Variants in TMC8 observed in about 807,000 individuals in gnomAD.
The protein encoded by TMC8 is transmembrane channel-like protein 8.
In TMC8, 71 loss-of-function variants were observed where a neutral mutation model predicts 76.0. The ratio of observed to expected loss-of-function variants is 0.93; its 90% confidence interval spans 0.77 to 1.14. The LOEUF is 1.14. Ranked by LOEUF, TMC8 falls within the 50% of genes most tolerant of loss-of-function variation. The pLI, the probability that TMC8 is intolerant of heterozygous loss-of-function variation, is 0.00. For missense variants in TMC8, 924 were observed against 947.9 expected, an observed-to-expected ratio of 0.97 and a Z score of 0.33; for synonymous variants, 433 against 433.8, an observed-to-expected ratio of 1.00 and a Z score of 0.02.
rs938322021 is a variant in TMC8, at chr17:78,142,235, G to A, written c.*1123G>A. On this transcript the variant is annotated 3_prime_UTR_variant, in exon 16 of 16. Coordinates refer to ENST00000318430, the MANE Select transcript of TMC8 (RefSeq NM_152468.5). ...ACAGCCCAGCGACTCTGATGTGGTT[G>A]GGCTGGGTGTGGCCAGCAGCCAGGG... The A allele has an allele frequency of 1.6e-4, 24 of 152,158 alleles. No homozygotes were observed. The highest frequency in any genetic ancestry group is 6.5e-4 in the Admixed American group (10 of 15,276). The allele number at this position is 152,158 out of a possible 1,614,324, so 9.4% of individuals were successfully genotyped here. A position where few individuals can be genotyped will look rare whatever the true frequency, so the allele number is the denominator to read the frequency against.
At chr17:78,140,680 G>GC (rs1319253651) in intron 15 of TMC8, among the ~76,000 whole-genome samples, 154 bp from the exon 16 acceptor site, 1 of 151,626 alleles carries the variant, frequency 6.6e-6, no homozygotes, top group Non-Finnish European at 1.5e-5. Context: ...GGAGGGTGTG[G>GC]CCTCGAGCGG....
intron 5 of TMC8, 98 bp downstream of exon 5, chr17:78,132,968 G>T (rs1376654428): frequency 5.8e-6 from 8 of 1,387,450 alleles, no homozygotes; most frequent in Middle Eastern, 1.8e-4. Context: ...CTCCTCCAGG[G>T]ACATTTCGGC....
At position 78,134,460 on chromosome 17, in the gene TMC8, C is replaced by G. The variant is rs760798878; in HGVS notation, c.883C>G (p.Arg295Gly). 2.5e-6 allele frequency: 4 copies of G among 1,613,906 alleles called. No individual in the cohort carries two copies. The South Asian group carries it at 3.3e-5, about 13-fold the overall frequency. The change falls in exon 8 of 16, where the codon CGC (arginine) becomes GGC (glycine). Residue 295 changes from arginine (R) to glycine (G), a missense_variant. Transcript: ENST00000318430. ...GCAGACCCGGGCCCAGACGGCCTGC[C>G]GCCTGCTCTCCTACCTGCGGGTCAA... ...QQQTRAQTAC[R>G]LLSYLRVNVL...
intron 15 of TMC8, 103 bp downstream of exon 15, chr17:78,139,343 C>A: frequency 7.6e-7 from 1 of 1,313,124 alleles, no homozygotes. Context: ...CAGGTGGGTT[C>A]TTCCCACTGG....
chr17:78,137,502 CA>C (rs769784280), intron 10 of TMC8, 144 bp downstream of exon 10: 4 of 1,435,578 alleles, frequency 2.8e-6, no homozygotes, highest in East Asian at 2.3e-5. Context: ...CGCACACCTC[CA>C]GGGGGCGCCA....
At position 78,133,558 on chromosome 17, in the gene TMC8, A is replaced by G. The variant is rs2075107624; in HGVS notation, c.668+16A>G. The G allele has an allele frequency of 1.2e-6, 2 of 1,608,790 alleles. No individual in the cohort carries two copies. Among genetic ancestry groups the G allele is most frequent in the Non-Finnish European group, 1.7e-6 (2 of 1,179,930 alleles). ...CTCTGCGGCGGTGAGAGCGAGGTCCACACCTTCACCCCTTCCCCAGGGAAT... is the reference window on the plus strand; with the variant it reads ...CTCTGCGGCGGTGAGAGCGAGGTCCGCACCTTCACCCCTTCCCCAGGGAAT... On this transcript the variant is annotated intron_variant, in intron 6 of 15. Transcript: ENST00000318430.
In TMC8 at chr17:78,141,049, T is replaced by G; in HGVS notation, c.2118T>G (p.Pro706=). ...VDAAGLRSPC[P]GQHGAPASAR... ...CCGCGGGACTGCGTTCCCCTTGCCCTGGACAGCACGGTGCCCCGGCCTCCG... is the reference window on the plus strand; with the variant it reads ...CCGCGGGACTGCGTTCCCCTTGCCCGGGACAGCACGGTGCCCCGGCCTCCG... Residue 706 remains proline (P), a synonymous_variant, in exon 16 of 16, where the codon CCT becomes CCG. Transcript: ENST00000318430. The G allele has an allele frequency of 1.9e-6, 3 of 1,602,298 alleles. No homozygotes were observed. The highest frequency in any genetic ancestry group is 2.6e-6 in the Non-Finnish European group (3 of 1,175,870).
In TMC8 at chr17:78,138,485, G is replaced by A. The variant is rs1327923670; in HGVS notation, c.1664+6G>A. 6 of 1,613,368 alleles carry A rather than the reference G, an allele frequency of 3.7e-6. No individual in the cohort carries two copies. The African/African-American group carries it at 8.0e-5, about 22-fold the overall frequency. Reference sequence around the variant, plus strand: ...CTGGGCTATGTGGTCAGCAGGTGAGGGGAAGAGGAGGGGGGCACCCAGAGG... The same window carrying A: ...CTGGGCTATGTGGTCAGCAGGTGAGAGGAAGAGGAGGGGGGCACCCAGAGG... On this transcript the variant is annotated splice_donor_region_variant and intron_variant, in intron 13 of 15. Coordinates refer to ENST00000318430, the MANE Select transcript of TMC8 (RefSeq NM_152468.5).
rs199498761 is a variant in TMC8, at chr17:78,132,366, C to T, written c.306C>T (p.Phe102=). ...CCTGCTCTCCCACTGCAGGCCTCTT[C>T]GGCACAGGAATTCGGTCCTACTTCA... ...EGALYEIGGL[F]GTGIRSYFTF... The change falls in exon 4 of 16, where the codon TTC becomes TTT. Residue 102 remains phenylalanine (F), a synonymous_variant. Transcript: ENST00000318430. The T allele has an allele frequency of 2.4e-5, 39 of 1,612,980 alleles. No individual in the cohort carries two copies. In the South Asian group the frequency reaches 3.0e-4, roughly 12 times the overall value.
Position 78,134,424 on chromosome 17 carries a change from C to A in TMC8, c.847C>A (p.Leu283Met). 6.2e-7 allele frequency: 1 copy of A among 1,613,228 alleles called. No individual in the cohort carries two copies. Among genetic ancestry groups the A allele is most frequent in the Non-Finnish European group, 8.5e-7 (1 of 1,180,036 alleles). The change falls in exon 8 of 16, where the codon CTG (leucine) becomes ATG (methionine). Residue 283 changes from leucine to methionine, a missense_variant. Leu to Met is a conservative substitution (Grantham distance 15). Transcript: ENST00000318430. ...VELEEGRRFQ[L>M]MQQQTRAQTA... Reference sequence around the variant, plus strand: ...GCTGGAGGAGGGCCGTCGCTTCCAGCTGATGCAGCAGCAGACCCGGGCCCA... The same window carrying A: ...GCTGGAGGAGGGCCGTCGCTTCCAGATGATGCAGCAGCAGACCCGGGCCCA...
chr17:78,140,767 C>T (rs1393120070), intron 15 of TMC8, 67 bp from the exon 16 acceptor site: 4 of 1,556,048 alleles, frequency 2.6e-6, no homozygotes, highest in Non-Finnish European at 3.5e-6. Flanking sequence ...GTTGCTGCCG[C>T]TGCTGTCCTC....
At chr17:78,131,849 C>T in intron 2 of TMC8, 33 bp from the exon 3 acceptor site, 1 of 1,471,300 alleles carries the variant, frequency 6.8e-7, no homozygotes, top group Non-Finnish European at 9.0e-7. Flanking sequence ...GGGCGGGTGA[C>T]TCAGGGGCGC....
chr17:78,133,282 T>A, intron 5 of TMC8, 124 bp from the exon 6 acceptor site: 1 of 1,500,584 alleles, frequency 6.7e-7, no homozygotes, highest in East Asian at 2.3e-5. Flanking sequence ...TGTGGGCCCT[T>A]GTAAGACGGG....
At chr17:78,133,666 C>T (rs1050995735) in intron 6 of TMC8, 124 bp downstream of exon 6, 11 of 1,552,058 alleles carry the variant, frequency 7.1e-6, no homozygotes, top group Non-Finnish European at 8.7e-6. Flanking sequence ...CTCCTGGGTG[C>T]TTCCTCAGCC....
chr17:78,137,895 G>T, intron 11 of TMC8, 81 bp downstream of exon 11: 1 of 1,596,130 alleles, frequency 6.3e-7, no homozygotes. Context: ...AGCCAAGGGT[G>T]AGCGGGTCCA....
intron 10 of TMC8, 50 bp from the exon 11 acceptor site, chr17:78,137,667 G>A: frequency 2.0e-6 from 3 of 1,532,426 alleles, no homozygotes; most frequent in Non-Finnish European, 2.7e-6. Context: ...AGGGAAGGAA[G>A]GGCCGGGGTG....
intron 8 of TMC8, 106 bp from the exon 9 acceptor site, chr17:78,134,764 C>A: frequency 6.3e-7 from 1 of 1,581,836 alleles, no homozygotes; most frequent in South Asian, 1.1e-5. Flanking sequence ...ACAGGCGACC[C>A]TATTCTGGGC....
At position 78,133,443 on chromosome 17, in the gene TMC8, G is replaced by A. The variant is rs766694820; in HGVS notation, c.569G>A (p.Arg190Gln). ...ACCTATCTCTTCTACGGTGCGTACCGAGTGGGGCCGGAGAGCAGCTCCGTG... is the reference window on the plus strand; with the variant it reads ...ACCTATCTCTTCTACGGTGCGTACCAAGTGGGGCCGGAGAGCAGCTCCGTG... Reference protein sequence around the residue: ...TNTYLFYGAYRVGPESSSVYS... With the variant: ...TNTYLFYGAYQVGPESSSVYS... The change falls in exon 6 of 16, where the codon CGA becomes CAA. Residue 190 changes from arginine (R) to glutamine (Q), a missense_variant. By Grantham distance (43) the Arg-to-Gln change is conservative. Coordinates refer to ENST00000318430, the MANE Select transcript of TMC8 (RefSeq NM_152468.5). 2.7e-5 allele frequency: 43 copies of A among 1,613,646 alleles called. No individual in the cohort carries two copies. Among genetic ancestry groups the A allele is most frequent in the Admixed American group, 5.0e-5 (3 of 59,990 alleles).
rs917205651 is a variant in TMC8 at position 78,131,517 on chromosome 17, C to T, written c.-72C>T. On this transcript the variant is annotated 5_prime_UTR_variant, in exon 2 of 16. Coordinates refer to ENST00000318430, the MANE Select transcript of TMC8 (RefSeq NM_152468.5). ...AGAGGCCATAGCCAAGGCCTTAAGG[C>T]TCATCCAACCGGGGACTCATATCCC... 20 of 1,530,114 alleles carry T rather than the reference C, an allele frequency of 1.3e-5. No individual in the cohort carries two copies. The highest frequency in any genetic ancestry group is 1.5e-5 in the Non-Finnish European group (17 of 1,142,902). The allele number at this position is 1,530,114 out of a possible 1,614,324, so 94.8% of individuals were successfully genotyped here.
Sources: gnomAD v4.1 joint callset for allele counts (sites outside exome capture counted in the v4.1 genomes callset) on GRCh38, gnomAD v4.1.1 for gene constraint, MANE v1.5 for transcripts, NCBI Gene and HGNC (gene_info 2026-07-23, HGNC 2026-07-21) for gene names.